PBRM1: variants seen among roughly 807,000 people sequenced by gnomAD.
The protein encoded by PBRM1 is protein polybromo-1.
PBRM1 carries 27 observed loss-of-function variants against 194.5 expected under a neutral mutation model. The observed-to-expected ratio is 0.14, with a 90% confidence interval of 0.10 to 0.19. PBRM1 has a LOEUF of 0.19. Among genes scored for constraint, PBRM1 ranks in the 10% least tolerant of loss-of-function variants. The pLI, the probability that PBRM1 is intolerant of heterozygous loss-of-function variation, is 1.00. For missense variants in PBRM1, 1,466 were observed against 2,077.2 expected (o/e 0.71, Z 5.72); for synonymous variants, 655 against 693.2 (o/e 0.94, Z 0.87).
chr3:52,619,415 T>C (rs894910582), intron 13 of PBRM1, among the ~76,000 whole-genome samples: 1 of 152,188 alleles, frequency 6.6e-6, no homozygotes, highest in Non-Finnish European at 1.5e-5. Flanking sequence ...ACATTAAAAA[T>C]GCTATATAGT....
At chr3:52,587,911 C>T (rs2153794095) in intron 18 of PBRM1, among the ~76,000 whole-genome samples, 1 of 152,038 alleles carries the variant, frequency 6.6e-6, no homozygotes, top group Admixed American at 6.6e-5. Context: ...TATATATACA[C>T]CCTCAACCTC....
At chr3:52,644,276 T>C (rs572081424) in intron 8 of PBRM1, among the ~76,000 whole-genome samples, 2 of 152,298 alleles carry the variant, frequency 1.3e-5, no homozygotes, top group South Asian at 4.1e-4. Context: ...TCTTCAGAAT[T>C]ATAATATCAA....
chr3:52,558,485 C>G, intron 25 of PBRM1, 72 bp from the exon 28 acceptor site: 1 of 1,302,732 alleles, frequency 7.7e-7, no homozygotes, highest in East Asian at 2.6e-5. Context: ...TTGCATTCAA[C>G]AGGACTAGTA....
intron 10 of PBRM1, among the ~76,000 whole-genome samples, chr3:52,640,351 A>T (rs2096023166): frequency 6.8e-6 from 1 of 146,958 alleles, no homozygotes; most frequent in Non-Finnish European, 1.5e-5. Context: ...TGATCACTTC[A>T]GGCTCAACCT....
chr3:52,579,582 A>G (rs1192840612), intron 20 of PBRM1, among the ~76,000 whole-genome samples: 1 of 152,158 alleles, frequency 6.6e-6, no homozygotes, highest in African/African-American at 2.4e-5. Flanking sequence ...TGGGCGACAG[A>G]GCAAGACCCT....
At position 52,609,211 on chromosome 3, in the gene PBRM1, T is replaced by A; in HGVS notation, c.2567+102A>T. ...AGAATAGCATGCTACCAACTACAAATCATGTATGTAAGTGGAAATAGTACA... is the reference window on the plus strand; with the variant it reads ...AGAATAGCATGCTACCAACTACAAAACATGTATGTAAGTGGAAATAGTACA... On this transcript the variant is annotated intron_variant, in intron 16 of 29. Coordinates refer to ENST00000296302, the Ensembl canonical transcript of PBRM1. The surrounding 1 kb of genome is among the most constrained non-coding windows in gnomAD (Gnocchi z 4.1). The A allele has an allele frequency of 2.2e-6, 2 of 897,370 alleles. No homozygotes were observed. Among genetic ancestry groups the A allele is most frequent in the South Asian group, 3.4e-5 (2 of 59,576 alleles). 55.6% of individuals were successfully genotyped at this position (897,370 alleles called of 1,614,324 possible).
At chr3:52,644,518 G>A (rs1281493341) in intron 8 of PBRM1, among the ~76,000 whole-genome samples, 186 bp downstream of exon 9, 1 of 151,930 alleles carries the variant, frequency 6.6e-6, no homozygotes, top group East Asian at 1.9e-4. Context: ...CCAAGTAGCT[G>A]TGACTACAGG....
At chr3:52,563,331 C>G (rs2084174081) in exon 24 of PBRM1, 2 of 1,614,120 alleles carry the variant, frequency 1.2e-6, no homozygotes, top group East Asian at 4.5e-5. Flanking sequence ...CCAGGGGGGT[C>G]TGAAGCTGAG....
exon 27 of PBRM1, chr3:52,554,869 A>C (rs1474380024): frequency 1.9e-6 from 3 of 1,607,754 alleles, no homozygotes; most frequent in African/African-American, 2.7e-5. Context: ...GCGGATAGCC[A>C]CCCATCATGC....
At chr3:52,598,312 CAG>C (rs1362896159) in intron 17 of PBRM1, among the ~76,000 whole-genome samples, 1 of 152,204 alleles carries the variant, frequency 6.6e-6, no homozygotes, top group Non-Finnish European at 1.5e-5. Flanking sequence ...TTATCCCAAA[CAG>C]AAACTTTAAT....
chr3:52,571,309 C>G (rs1166397394), intron 22 of PBRM1, among the ~76,000 whole-genome samples: 1 of 118,522 alleles, frequency 8.4e-6, no homozygotes, highest in African/African-American at 3.3e-5. Flanking sequence ...GACGACAGAA[C>G]GAGACACTGT....
intron 24 of PBRM1, among the ~76,000 whole-genome samples, chr3:52,562,932 C>T (rs182692692): frequency 2.0e-5 from 3 of 152,072 alleles, no homozygotes; most frequent in Non-Finnish European, 2.9e-5. Flanking sequence ...TAAAAAGACA[C>T]GGGTAATAAA....
intron 22 of PBRM1, 100 bp from the exon 25 acceptor site, chr3:52,564,333 A>T: frequency 1.2e-6 from 1 of 865,306 alleles, no homozygotes; most frequent in Non-Finnish European, 1.8e-6. Flanking sequence ...CATTCATATA[A>T]TTAACAATTT....
chr3:52,603,927 C>T (rs2094169563), intron 16 of PBRM1, among the ~76,000 whole-genome samples, 195 bp from the exon 19 acceptor site: 1 of 152,152 alleles, frequency 6.6e-6, no homozygotes, highest in Non-Finnish European at 1.5e-5. Flanking sequence ...CCCATGCCCA[C>T]CATTTTCCTT....
At chr3:52,603,615 T>G (rs34341044) in exon 17 of PBRM1, 2 of 1,613,540 alleles carry the variant, frequency 1.2e-6, no homozygotes. Context: ...GCAAATGTTT[T>G]GTGGTATAGC....
intron 13 of PBRM1, among the ~76,000 whole-genome samples, chr3:52,625,779 G>A (rs951385971): frequency 9.2e-5 from 14 of 151,946 alleles, no homozygotes; most frequent in Admixed American, 1.3e-4. Flanking sequence ...GTTTCACCAC[G>A]TTGTCCAGGC....
chr3:52,597,229 T>A (rs1463622596), intron 17 of PBRM1, among the ~76,000 whole-genome samples: 4 of 152,224 alleles, frequency 2.6e-5, no homozygotes, highest in African/African-American at 9.6e-5. Context: ...TTCAGAGATA[T>A]GAAGTTAAAA....
chr3:52,669,579 GT>G (rs1165906843), intron 2 of PBRM1, among the ~76,000 whole-genome samples: 4 of 152,230 alleles, frequency 2.6e-5, no homozygotes, highest in African/African-American at 9.6e-5. Flanking sequence ...CATTCTAGAT[GT>G]GTAAGAGATA....
intron 15 of PBRM1, among the ~76,000 whole-genome samples, chr3:52,612,372 C>T (rs1296743043): frequency 6.6e-6 from 1 of 151,088 alleles, no homozygotes; most frequent in Non-Finnish European, 1.5e-5. Flanking sequence ...ATAAGGGCAG[C>T]AAACCCCTTA....
Sources: allele counts gnomAD v4.1 joint callset (sites outside exome capture counted in the v4.1 genomes callset), GRCh38; gene constraint gnomAD v4.1.1; non-coding constraint Gnocchi (gnomAD v3.1); transcripts MANE v1.5; gene names NCBI Gene and HGNC (gene_info 2026-07-23, HGNC 2026-07-21).